The following SLC25A28 variants were observed in gnomAD, a reference collection of about 807,000 sequenced individuals.
The protein encoded by SLC25A28 is mitoferrin-2.
SLC25A28 carries 10 observed loss-of-function variants against 31.9 expected under a neutral mutation model. That is an observed-to-expected ratio of 0.31 (90% confidence interval 0.19 to 0.53). SLC25A28 has a LOEUF of 0.53. Ranked by LOEUF, SLC25A28 falls within the 20% of genes least tolerant of loss-of-function variation. SLC25A28 has a pLI of 0.95. For synonymous variants in SLC25A28, 208 were observed against 203.6 expected, an observed-to-expected ratio of 1.02 and a Z score of -0.19; for missense variants, 256 against 490.3, an observed-to-expected ratio of 0.52 and a Z score of 4.51.
At chr10:99,618,893 A>C in intron 1 of SLC25A28, 2 of 985,420 alleles carry the variant, frequency 2.0e-6, no homozygotes, top group Non-Finnish European at 2.4e-6. Flanking sequence ...TGAATACATA[A>C]CACTTTCCTG....
chr10:99,615,412 G>A (rs963381133), intron 1 of SLC25A28: 1 of 974,478 alleles, frequency 1.0e-6, no homozygotes. Context: ...GAATCCAAGA[G>A]TAATACCTTT....
the SLC25A28 span, among the ~76,000 whole-genome samples, chr10:99,629,752 G>T: frequency 2.3e-4 from 35 of 152,342 alleles, no homozygotes; most frequent in African/African-American, 7.2e-4. Context: ...AGGCAGGGGA[G>T]AATGAGAGTA....
rs989020032 is a variant in SLC25A28 at position 99,616,626 on chromosome 10, C to T, written c.292-2702G>A. The stretch of plus-strand genomic sequence containing the variant: ...GTTTCTCTGTGGCTATAATGATTTA[C>T]ATGTCCCACTATTAATCTGAAGGTC... On this transcript the variant is annotated intron_variant, in intron 1 of 3. Coordinates refer to ENST00000370495, the MANE Select transcript of SLC25A28 (RefSeq NM_031212.4). 4 of 985,236 alleles carry T rather than the reference C, an allele frequency of 4.1e-6. No homozygotes were observed. The African/African-American group carries it at 7.0e-5, about 17-fold the overall frequency. 61.0% of individuals were successfully genotyped at this position (985,236 alleles called of 1,614,324 possible).
intron 1 of SLC25A28, chr10:99,615,578 T>C (rs1267209856): frequency 2.6e-5 from 26 of 985,298 alleles, no homozygotes; most frequent in Non-Finnish European, 3.1e-5. Flanking sequence ...AGAAATACTC[T>C]ACACAGTATC....
chr10:99,622,537 T>G (rs2034816307), upstream of SLC25A28: 1 of 535,792 alleles, frequency 1.9e-6, no homozygotes, highest in Non-Finnish European at 2.4e-6. Context: ...CATTTTTCAC[T>G]CTTTTATTCA....
chr10:99,618,475 T>C, intron 1 of SLC25A28: 1 of 985,442 alleles, frequency 1.0e-6, no homozygotes, highest in South Asian at 4.7e-5. Flanking sequence ...TAGATTATAT[T>C]AACTTTTGGA....
chr10:99,650,594 A>G, the SLC25A28 span, among the ~76,000 whole-genome samples: 1 of 151,984 alleles, frequency 6.6e-6, no homozygotes, highest in East Asian at 1.9e-4. Flanking sequence ...GTTCCAGGCA[A>G]GCAGTGTGAG....
chr10:99,628,917 A>G, the SLC25A28 span, among the ~76,000 whole-genome samples: 2 of 152,234 alleles, frequency 1.3e-5, no homozygotes, highest in Non-Finnish European at 2.9e-5. Context: ...ACCCTCATAC[A>G]TTGCTGGTGA....
chr10:99,644,410 A>C, the SLC25A28 span, among the ~76,000 whole-genome samples: 1 of 151,372 alleles, frequency 6.6e-6, no homozygotes, highest in Non-Finnish European at 1.5e-5. Flanking sequence ...TTCGTTTTCC[A>C]TTTGCTTGAT....
chr10:99,644,939 G>C, the SLC25A28 span, among the ~76,000 whole-genome samples: 6 of 152,178 alleles, frequency 3.9e-5, no homozygotes, highest in Non-Finnish European at 8.8e-5. Flanking sequence ...AGTTTGATGG[G>C]CTTGCCTTTG....
intron 3 of SLC25A28, among the ~76,000 whole-genome samples, chr10:99,612,204 A>G (rs923697481): frequency 6.6e-6 from 1 of 152,210 alleles, no homozygotes; most frequent in Non-Finnish European, 1.5e-5. Flanking sequence ...GGGGAAAAAA[A>G]AAGTCAGAAT....
chr10:99,635,748 C>A, the SLC25A28 span, among the ~76,000 whole-genome samples: 3 of 151,590 alleles, frequency 2.0e-5, no homozygotes, highest in Non-Finnish European at 2.9e-5. Flanking sequence ...TAAGGACTCA[C>A]ATAAACTTAA....
chr10:99,647,898 T>G, the SLC25A28 span, among the ~76,000 whole-genome samples: 65,552 of 152,048 alleles, frequency 0.43, 14,618 homozygotes, highest in Middle Eastern at 0.64. Flanking sequence ...TAGCACCATT[T>G]GTTGAATAGG....
At chr10:99,618,593 C>T (rs1222291960) in intron 1 of SLC25A28, 1 of 985,270 alleles carries the variant, frequency 1.0e-6, no homozygotes, top group Non-Finnish European at 1.2e-6. Context: ...TTACTTCTCT[C>T]TCATGGATTT....
At chr10:99,617,047 T>G in intron 1 of SLC25A28, 1 of 985,462 alleles carries the variant, frequency 1.0e-6, no homozygotes, top group Non-Finnish European at 1.2e-6. Flanking sequence ...TGGAGATTTA[T>G]CTCCCTCTGC....
chr10:99,617,267 C>A, intron 1 of SLC25A28: 1 of 985,410 alleles, frequency 1.0e-6, no homozygotes, highest in Non-Finnish European at 1.2e-6. Context: ...CCAAGCCTCT[C>A]CATTATAGCC....
chr10:99,620,459 T>G, upstream of SLC25A28: 1 of 1,048,146 alleles, frequency 9.5e-7, no homozygotes, highest in Non-Finnish European at 1.1e-6. Context: ...GGCTCCCGCT[T>G]GGCCCCGCGG....
At chr10:99,650,787 T>TGTGAGA in the SLC25A28 span, among the ~76,000 whole-genome samples, 1 of 152,026 alleles carries the variant, frequency 6.6e-6, no homozygotes, top group African/African-American at 2.4e-5. Flanking sequence ...CCCAGGGGTG[T>TGTGAGA]GTGAGAGCAC....
At chr10:99,652,375 C>T in the SLC25A28 span, among the ~76,000 whole-genome samples, 1 of 152,152 alleles carries the variant, frequency 6.6e-6, no homozygotes, top group African/African-American at 2.4e-5. Context: ...GGCCTGAGAA[C>T]ACAGAGGAAA....
Sources: allele counts gnomAD v4.1 joint callset (sites outside exome capture counted in the v4.1 genomes callset), GRCh38; gene constraint gnomAD v4.1.1; transcripts MANE v1.5; gene names NCBI Gene and HGNC (gene_info 2026-07-23, HGNC 2026-07-21).